EXOC2: variants seen among roughly 807,000 people sequenced by gnomAD.
EXOC2 encodes the protein SEC5-like 1.
Under a neutral mutation model 131.8 loss-of-function variants are expected in EXOC2, and 70 were observed. That is an observed-to-expected ratio of 0.53 (90% CI 0.44 to 0.65). The LOEUF (loss-of-function observed/expected upper bound fraction) is 0.65. Among genes scored for constraint, EXOC2 ranks in the 30% least tolerant of loss-of-function variants. The pLI, the probability that EXOC2 is intolerant of heterozygous loss-of-function variation, is 0.00. For synonymous variants in EXOC2, 411 were observed against 398.4 expected (o/e 1.03, Z -0.38); for missense variants, 923 against 1,108.6 (o/e 0.83, Z 2.38).
intron 24 of EXOC2, among the ~76,000 whole-genome samples, 157 bp downstream of exon 24, chr6:499,488 C>G (rs1423992666): frequency 1.3e-5 from 2 of 149,202 alleles, no homozygotes; most frequent in South Asian, 2.1e-4. Context: ...CAGAGAGAGA[C>G]AGACAGTGCG....
intron 17 of EXOC2, among the ~76,000 whole-genome samples, chr6:561,463 T>C (rs1438536051): frequency 3.3e-5 from 5 of 152,244 alleles, no homozygotes. Flanking sequence ...TTAAAAATAC[T>C]GTGCAGGATC....
intron 23 of EXOC2, 121 bp from the exon 24 acceptor site, chr6:499,821 C>A (rs1233830460): frequency 1.4e-6 from 1 of 708,228 alleles, no homozygotes; most frequent in African/African-American, 1.8e-5. Context: ...GTAACACCAC[C>A]ACTATTTCCT....
chr6:555,625 A>G (rs1318136073), intron 19 of EXOC2, among the ~76,000 whole-genome samples: 4 of 152,226 alleles, frequency 2.6e-5, no homozygotes, highest in African/African-American at 4.8e-5. Context: ...ACTGGTCCCA[A>G]TAACAATACT....
intron 1 of EXOC2, among the ~76,000 whole-genome samples, chr6:685,127 A>AACACACACACACACAC (rs35607623): frequency 8.0e-5 from 12 of 149,512 alleles, no homozygotes; most frequent in African/African-American, 2.7e-4. Context: ...ATCATTTGAA[A>AACACACACACACACAC]ACACACACAC....
At chr6:673,897 C>G (rs1238563183) in intron 1 of EXOC2, among the ~76,000 whole-genome samples, 3 of 152,080 alleles carry the variant, frequency 2.0e-5, no homozygotes, top group Admixed American at 1.3e-4. Flanking sequence ...TACAGGGTTA[C>G]CACAAACCTT....
At chr6:582,571 C>G (rs570319868) in intron 11 of EXOC2, among the ~76,000 whole-genome samples, 1 of 145,358 alleles carries the variant, frequency 6.9e-6, no homozygotes, top group East Asian at 2.1e-4. Flanking sequence ...CAGACGCAGG[C>G]AGGATGGGAT....
At chr6:679,032 C>T (rs1294075274) in intron 1 of EXOC2, 1 of 151,630 alleles carries the variant, frequency 6.6e-6, no homozygotes, top group Non-Finnish European at 1.5e-5. Context: ...ACTAGAAGAA[C>T]ATAAAGTAAG....
chr6:491,214 A>G, intron 25 of EXOC2, 28 bp from the exon 26 acceptor site: 1 of 1,611,836 alleles, frequency 6.2e-7, no homozygotes, highest in Non-Finnish European at 8.5e-7. Context: ...ACAAAGTGAC[A>G]ACAGGAAAAT....
intron 23 of EXOC2, among the ~76,000 whole-genome samples, chr6:508,972 C>A (rs9328259): frequency 0.64 from 97,309 of 152,146 alleles, 32,105 homozygotes; most frequent in South Asian, 0.79. Flanking sequence ...GGCCATTCTA[C>A]TAGGTGTGCA....
intron 25 of EXOC2, among the ~76,000 whole-genome samples, chr6:493,603 T>C (rs1763558681): frequency 6.6e-6 from 1 of 152,206 alleles, no homozygotes; most frequent in Non-Finnish European, 1.5e-5. Context: ...ATCACCAAAC[T>C]GTCACTCCCC....
chr6:602,746 C>T (rs1760171932), intron 7 of EXOC2, among the ~76,000 whole-genome samples: 1 of 152,222 alleles, frequency 6.6e-6, no homozygotes, highest in African/African-American at 2.4e-5. Context: ...CTCGGTCACA[C>T]AGGAACTGCA....
At chr6:656,311 G>C in intron 1 of EXOC2, 1 of 1,614,164 alleles carries the variant, frequency 6.2e-7, no homozygotes. Flanking sequence ...ACAGCCGACT[G>C]GGGAGGGTTT....
At chr6:562,117 T>C (rs1382555353) in intron 17 of EXOC2, among the ~76,000 whole-genome samples, 2 of 152,076 alleles carry the variant, frequency 1.3e-5, no homozygotes, top group African/African-American at 4.8e-5. Flanking sequence ...GGAAGAAGGA[T>C]GGAGGCAGCC....
intron 11 of EXOC2, among the ~76,000 whole-genome samples, chr6:581,299 A>AC (rs200630077): frequency 0.31 from 45,986 of 150,564 alleles, 7,111 homozygotes; most frequent in African/African-American, 0.37. Context: ...CTGTCTCAAA[A>AC]AAAAAAAAAA....
chr6:550,811 C>G (rs2493048), intron 21 of EXOC2, among the ~76,000 whole-genome samples: 138,442 of 152,246 alleles, frequency 0.91, 63,038 homozygotes, highest in East Asian at 0.98. Flanking sequence ...CCTCAAAAAC[C>G]TCAGCTGGTT....
chr6:643,234 T>C (rs924378451), intron 1 of EXOC2, among the ~76,000 whole-genome samples: 1 of 152,158 alleles, frequency 6.6e-6, no homozygotes, highest in African/African-American at 2.4e-5. Context: ...ATAGAAGATA[T>C]GAACAGCACT....
At chr6:591,415 T>G (rs1283272113) in intron 11 of EXOC2, among the ~76,000 whole-genome samples, 1 of 152,112 alleles carries the variant, frequency 6.6e-6, no homozygotes, top group Non-Finnish European at 1.5e-5. Context: ...CTTCTTGTGC[T>G]TGTAACCTGT....
intron 1 of EXOC2, among the ~76,000 whole-genome samples, chr6:652,555 A>C (rs1242507857): frequency 6.6e-6 from 1 of 152,252 alleles, no homozygotes; most frequent in Non-Finnish European, 1.5e-5. Context: ...AACTAAACTA[A>C]AATTTAATAT....
chr6:649,069 C>T (rs1404305156), intron 1 of EXOC2, among the ~76,000 whole-genome samples: 2 of 152,022 alleles, frequency 1.3e-5, no homozygotes, highest in African/African-American at 2.4e-5. Flanking sequence ...GCTGGAGGGC[C>T]GTGGAAATTC....
Sources: allele counts gnomAD v4.1 joint callset (sites outside exome capture counted in the v4.1 genomes callset), GRCh38; gene constraint gnomAD v4.1.1; transcripts MANE v1.5; gene names NCBI Gene and HGNC (gene_info 2026-07-23, HGNC 2026-07-21).